Variants in GTF2A2 observed in about 807,000 individuals in gnomAD.
GTF2A2 encodes the protein general transcription factor IIA subunit 2.
A neutral mutation model predicts 14.3 loss-of-function variants in GTF2A2; 9 were observed. That is an observed-to-expected ratio of 0.63 (90% confidence interval 0.38 to 1.10). The LOEUF (loss-of-function observed/expected upper bound fraction) is 1.10. GTF2A2 is among the 50% of genes least tolerant of loss of function. GTF2A2 has a pLI of 0.01. For missense variants in GTF2A2, 90 were observed against 124.6 expected (o/e 0.72, Z 1.32); for synonymous variants, 56 against 46.0 (o/e 1.22, Z -0.88).
chr15:59,643,166 G>A (rs935761763), intron 3 of GTF2A2, among the ~76,000 whole-genome samples: 4 of 130,892 alleles, frequency 3.1e-5, no homozygotes, highest in Non-Finnish European at 4.7e-5. Context: ...TGCAACCTCC[G>A]CCACCCAAGT....
Position 59,638,093 on chromosome 15 carries a change from A to G in GTF2A2, c.*1039T>C, listed in dbSNP as rs1197197398. The G allele has an allele frequency of 6.6e-6, 1 of 152,180 alleles. No homozygotes were observed. Among genetic ancestry groups the G allele is most frequent in the Admixed American group, 6.5e-5 (1 of 15,278 alleles). The allele number at this position is 152,180 out of a possible 1,614,324, so 9.4% of individuals were successfully genotyped here. A position where few individuals can be genotyped will look rare whatever the true frequency, so the allele number is the denominator to read the frequency against. ...GATGAAACAATTTTATTTTCTTTGTAGGGACAGTCTATATTGGCCAGGCTG... is the reference window on the plus strand; with the variant it reads ...GATGAAACAATTTTATTTTCTTTGTGGGGACAGTCTATATTGGCCAGGCTG... On this transcript the variant is annotated 3_prime_UTR_variant, in exon 5 of 5. Coordinates refer to ENST00000396060, the MANE Select transcript of GTF2A2 (RefSeq NM_004492.3).
chr15:59,652,917 G>C (rs1407885150), intron 1 of GTF2A2: 1 of 152,186 alleles, frequency 6.6e-6, no homozygotes, highest in African/African-American at 2.4e-5. Flanking sequence ...GCTCAGAAAA[G>C]CTTCCAGGTT....
At chr15:59,646,204 G>A (rs539072723) in intron 3 of GTF2A2, among the ~76,000 whole-genome samples, 1 of 152,130 alleles carries the variant, frequency 6.6e-6, no homozygotes, top group East Asian at 1.9e-4. Context: ...CTACAGGAAT[G>A]CGCCACCACA....
intron 3 of GTF2A2, among the ~76,000 whole-genome samples, chr15:59,643,917 T>TA (rs1354468501): frequency 3.3e-5 from 5 of 151,872 alleles, no homozygotes; most frequent in East Asian, 1.9e-4. Context: ...TTTTTTGAGA[T>TA]AGAGTCTCAC....
chr15:59,643,766 T>C (rs542891239), intron 3 of GTF2A2, among the ~76,000 whole-genome samples: 1 of 59,260 alleles, frequency 1.7e-5, no homozygotes, highest in Non-Finnish European at 3.1e-5. Flanking sequence ...GCCTGTCTAA[T>C]TTTTATATTT....
At position 59,652,184 on chromosome 15, in the gene GTF2A2, G is replaced by T. The variant is rs559066872; in HGVS notation, c.72+22C>A. Reference sequence around the variant, plus strand: ...TAAACCCATCAAGATAAAAATGTTTGATTTTTAATTCAGTCTCCCACCTGT... The same window carrying T: ...TAAACCCATCAAGATAAAAATGTTTTATTTTTAATTCAGTCTCCCACCTGT... On this transcript the variant is annotated intron_variant, in intron 2 of 4. Transcript: ENST00000396060. The T allele has an allele frequency of 1.1e-5, 15 of 1,359,796 alleles. No individual in the cohort carries two copies. The East Asian group carries it at 1.2e-4, about 10-fold the overall frequency. 84.2% of individuals were successfully genotyped at this position (1,359,796 alleles called of 1,614,324 possible). A position where few individuals can be genotyped will look rare whatever the true frequency, so the allele number is the denominator to read the frequency against.
rs1275231089 is a variant in GTF2A2, at chr15:59,639,048, GAATA to G, written c.*80_*83del. 18 of 826,626 alleles carry G rather than the reference GAATA, an allele frequency of 2.2e-5. No individual in the cohort carries two copies. The highest frequency in any genetic ancestry group is 3.4e-5 in the African/African-American group (2 of 58,386). The allele number at this position is 826,626 out of a possible 1,614,324, so 51.2% of individuals were successfully genotyped here. On this transcript the variant is annotated 3_prime_UTR_variant, in exon 5 of 5. Transcript: ENST00000396060. Reference sequence around the variant, plus strand: ...CAGTGTAGTCATTTCTGCAATTCTAGAATAAATAAAAAGTCTCTTCTATGCTTCT... The same window carrying G: ...CAGTGTAGTCATTTCTGCAATTCTAGAATAAAAAGTCTCTTCTATGCTTCT...
intron 1 of GTF2A2, among the ~76,000 whole-genome samples, chr15:59,653,592 C>T (rs971641822): frequency 4.2e-5 from 6 of 141,768 alleles, no homozygotes; most frequent in African/African-American, 1.5e-4. Flanking sequence ...TTCTTGGGTC[C>T]TCTATTTTCC....
At chr15:59,650,268 T>C (rs1219307955) in intron 3 of GTF2A2, among the ~76,000 whole-genome samples, 1 of 152,204 alleles carries the variant, frequency 6.6e-6, no homozygotes, top group Non-Finnish European at 1.5e-5. Context: ...ACATGAAGTT[T>C]CTAGAAATAA....
At chr15:59,656,497 G>A (rs1323227190) in intron 1 of GTF2A2, among the ~76,000 whole-genome samples, 3 of 150,674 alleles carry the variant, frequency 2.0e-5, no homozygotes, top group African/African-American at 4.9e-5. Context: ...TCCTCTAATA[G>A]AATGTAAGCT....
In GTF2A2 at chr15:59,639,032, CATTTCTGCA is replaced by C. The variant is rs1891285938; in HGVS notation, c.*91_*99del. ...ATTCTCTGGTATAGCACAGTGTAGTCATTTCTGCAATTCTAGAATAAATAAAAAGTCTCT... is the reference window on the plus strand; with the variant it reads ...ATTCTCTGGTATAGCACAGTGTAGTCATTCTAGAATAAATAAAAAGTCTCT... On this transcript the variant is annotated 3_prime_UTR_variant, in exon 5 of 5. Coordinates refer to ENST00000396060, the MANE Select transcript of GTF2A2 (RefSeq NM_004492.3). 1.3e-6 allele frequency: 1 copy of C among 754,888 alleles called. No homozygotes were observed. 46.8% of individuals were successfully genotyped at this position (754,888 alleles called of 1,614,324 possible). A position where few individuals can be genotyped will look rare whatever the true frequency, so the allele number is the denominator to read the frequency against.
At chr15:59,641,248 T>C (rs1471205706) in intron 4 of GTF2A2, among the ~76,000 whole-genome samples, 1 of 151,120 alleles carries the variant, frequency 6.6e-6, no homozygotes, top group South Asian at 2.1e-4. Context: ...AATGTCTACA[T>C]ATACATACAT....
At position 59,638,255 on chromosome 15, in the gene GTF2A2, G is replaced by C. The variant is rs1053196809; in HGVS notation, c.*877C>G. The C allele has an allele frequency of 2.0e-5, 3 of 152,032 alleles. No homozygotes were observed. The highest frequency in any genetic ancestry group is 4.4e-5 in the Non-Finnish European group (3 of 68,028). The allele number at this position is 152,032 out of a possible 1,614,324, so 9.4% of individuals were successfully genotyped here. ...GTCAAGGACTACAGTGGCATGCTGA[G>C]GTAACAACTGCAGGAGCATCGAGGT... On this transcript the variant is annotated 3_prime_UTR_variant, in exon 5 of 5. Transcript: ENST00000396060.
chr15:59,650,426 C>G (rs1891756201), intron 3 of GTF2A2, among the ~76,000 whole-genome samples: 1 of 152,154 alleles, frequency 6.6e-6, no homozygotes, highest in Non-Finnish European at 1.5e-5. Context: ...GCCAAACATA[C>G]AAAGGCTGAT....
intron 4 of GTF2A2, 24 bp downstream of exon 4, chr15:59,642,112 C>T (rs1891449146): frequency 6.3e-7 from 1 of 1,583,192 alleles, no homozygotes. Flanking sequence ...AAGTAGCTTT[C>T]ACAGAAATAA....
intron 3 of GTF2A2, among the ~76,000 whole-genome samples, chr15:59,646,904 T>C (rs28671744): frequency 0.66 from 99,818 of 151,408 alleles, 33,115 homozygotes; most frequent in African/African-American, 0.73. Context: ...AATTTTTACT[T>C]ATTTAAATAT....
At chr15:59,655,446 G>C (rs1891914543) in intron 1 of GTF2A2, among the ~76,000 whole-genome samples, 1 of 152,152 alleles carries the variant, frequency 6.6e-6, no homozygotes, top group South Asian at 2.1e-4. Context: ...CAGAATATTG[G>C]ACACAGCTGA....
intron 1 of GTF2A2, chr15:59,656,808 TTC>T (rs1267566984): frequency 6.6e-6 from 1 of 152,226 alleles, no homozygotes; most frequent in Non-Finnish European, 1.5e-5. Context: ...GATTTCAATG[TTC>T]TTACATTCTT....
intron 3 of GTF2A2, among the ~76,000 whole-genome samples, chr15:59,650,075 T>C (rs1256132237): frequency 6.6e-6 from 1 of 152,224 alleles, no homozygotes; most frequent in African/African-American, 2.4e-5. Context: ...ACCATGACTC[T>C]TTCAATGGGC....
Sources: gnomAD v4.1 joint callset for allele counts (sites outside exome capture counted in the v4.1 genomes callset) on GRCh38, gnomAD v4.1.1 for gene constraint, MANE v1.5 for transcripts, NCBI Gene and HGNC (gene_info 2026-07-23, HGNC 2026-07-21) for gene names.